EGLN3: variants seen among roughly 807,000 people sequenced by gnomAD.
EGLN3 encodes prolyl hydroxylase EGLN3.
EGLN3 carries 15 observed loss-of-function variants against 26.0 expected under a neutral mutation model. The observed-to-expected ratio is 0.58, with a 90% CI of 0.39 to 0.89. EGLN3 has a LOEUF of 0.89. EGLN3 is among the 40% of genes least tolerant of loss of function. EGLN3 has a pLI of 0.00. For missense variants in EGLN3, 238 were observed against 311.6 expected, an observed-to-expected ratio of 0.76 and a Z score of 1.78; for synonymous variants, 147 against 127.2, an observed-to-expected ratio of 1.16 and a Z score of -1.05.
intron 1 of EGLN3, among the ~76,000 whole-genome samples, chr14:33,939,039 G>C (rs2064461988): frequency 6.6e-6 from 1 of 152,150 alleles, no homozygotes; most frequent in African/African-American, 2.4e-5. Context: ...GTGACTGCAG[G>C]CTCATCAGAG....
intron 1 of EGLN3, among the ~76,000 whole-genome samples, chr14:33,942,419 G>T (rs2064489995): frequency 6.6e-6 from 1 of 152,074 alleles, no homozygotes; most frequent in South Asian, 2.1e-4. Context: ...TCAATATTTT[G>T]TGTTTAAAAG....
chr14:33,926,426 C>T (rs1371924287), intron 4 of EGLN3, among the ~76,000 whole-genome samples: 2 of 152,178 alleles, frequency 1.3e-5, no homozygotes, highest in Non-Finnish European at 1.5e-5. Context: ...ACATTTCCCA[C>T]ATTTTTGGGA....
chr14:33,950,315 T>C (rs756390267), intron 1 of EGLN3, 81 bp downstream of exon 1: 2 of 1,340,238 alleles, frequency 1.5e-6, no homozygotes, highest in African/African-American at 2.9e-5. Context: ...CTTACGGCCC[T>C]GGGAAGTCGA....
chr14:33,937,391 TG>T (rs2064450382), intron 1 of EGLN3, among the ~76,000 whole-genome samples: 1 of 152,220 alleles, frequency 6.6e-6, no homozygotes, highest in African/African-American at 2.4e-5. Flanking sequence ...TCTTTGTTGT[TG>T]GTTAAGAGCA....
At chr14:33,950,318 G>A (rs778236673) in intron 1 of EGLN3, 78 bp downstream of exon 1, 1 of 1,357,086 alleles carries the variant, frequency 7.4e-7, no homozygotes, top group South Asian at 1.2e-5. Flanking sequence ...ACGGCCCTGG[G>A]AAGTCGACAT....
chr14:33,947,709 G>A, intron 1 of EGLN3, among the ~76,000 whole-genome samples: 1 of 152,252 alleles, frequency 6.6e-6, no homozygotes, highest in East Asian at 1.9e-4. Context: ...CATTATATTA[G>A]CCTCTTATGT....
intron 1 of EGLN3, among the ~76,000 whole-genome samples, chr14:33,946,182 GC>G (rs999777207): frequency 6.6e-5 from 10 of 152,190 alleles, no homozygotes; most frequent in Non-Finnish European, 1.0e-4. Flanking sequence ...TTAGAGATCA[GC>G]CTGACCAACA....
intron 2 of EGLN3, among the ~76,000 whole-genome samples, chr14:33,929,653 C>G (rs948177624): frequency 2.0e-5 from 3 of 152,180 alleles, no homozygotes; most frequent in East Asian, 3.9e-4. Flanking sequence ...CGCCCAGCCA[C>G]TTCGTACCAA....
intron 3 of EGLN3, 132 bp from the exon 4 acceptor site, chr14:33,927,165 A>ATTTC (rs1313294698): frequency 4.4e-6 from 1 of 224,792 alleles, no homozygotes. Context: ...TTATTTATTT[A>ATTTC]TTTATTTATT....
Position 33,932,743 on chromosome 14 carries a change from G to A in EGLN3, c.358-1528C>T, listed in dbSNP as rs538321127. On this transcript the variant is annotated intron_variant, in intron 1 of 4. Coordinates refer to ENST00000250457, the MANE Select transcript of EGLN3 (RefSeq NM_022073.4). ...CTGTTAGCTTGAACATCTTTCAGAA[G>A]GTGAAACTGTGAGGCGACGTCAGCA... Among the ~76,000 whole-genome samples, 12 of 152,288 alleles carry A rather than the reference G, an allele frequency of 7.9e-5. No homozygotes were observed. In the South Asian group the frequency reaches 2.5e-3, roughly 32 times the overall value.
intron 1 of EGLN3, chr14:33,931,485 T>C: frequency 2.4e-6 from 1 of 423,746 alleles, no homozygotes; most frequent in South Asian, 3.8e-5. Flanking sequence ...TAAAGTAACC[T>C]ATCTGCATGC....
At chr14:33,949,483 A>G (rs2064541526) in intron 1 of EGLN3, 1 of 152,220 alleles carries the variant, frequency 6.6e-6, no homozygotes, top group African/African-American at 2.4e-5. Flanking sequence ...GACAAGCGCA[A>G]GTCACTCAGA....
chr14:33,928,285 A>C lies in EGLN3; in HGVS notation c.614+791T>G, dbSNP rs1437971235. On this transcript the variant is annotated intron_variant, in intron 3 of 4. Transcript: ENST00000250457. ...AGGAGGGCACATGTGATCTTAATTTAATTAGGCTTGTTAGGGTTTAATCAT... is the reference window on the plus strand; with the variant it reads ...AGGAGGGCACATGTGATCTTAATTTCATTAGGCTTGTTAGGGTTTAATCAT... Among the ~76,000 whole-genome samples, 6 of 152,100 alleles carry C rather than the reference A, an allele frequency of 3.9e-5. No homozygotes were observed. The East Asian group carries it at 1.2e-3, about 29-fold the overall frequency.
chr14:33,925,643 C>T lies in EGLN3; in HGVS notation c.*248G>A, dbSNP rs1033901872. 3.8e-6 allele frequency: 2 copies of T among 524,964 alleles called. No individual in the cohort carries two copies. Among genetic ancestry groups the T allele is most frequent in the African/African-American group, 1.9e-5 (1 of 51,962 alleles). 32.5% of individuals were successfully genotyped at this position (524,964 alleles called of 1,614,324 possible). A position where few individuals can be genotyped will look rare whatever the true frequency, so the allele number is the denominator to read the frequency against. On this transcript the variant is annotated 3_prime_UTR_variant, in exon 5 of 5. Coordinates refer to ENST00000250457, the MANE Select transcript of EGLN3 (RefSeq NM_022073.4). ...CGAATCTATCAGGTAAACCGCTGGC[C>T]GAGTAGGATGTCTGCAGGAATTTCT...
At chr14:33,941,715 G>A (rs895604383) in intron 1 of EGLN3, among the ~76,000 whole-genome samples, 1 of 152,072 alleles carries the variant, frequency 6.6e-6, no homozygotes, top group Admixed American at 6.6e-5. Flanking sequence ...TGCATTCAAG[G>A]AATTTCTAAG....
intron 3 of EGLN3, among the ~76,000 whole-genome samples, chr14:33,928,746 G>A (rs1264082488): frequency 1.3e-5 from 2 of 152,004 alleles, no homozygotes; most frequent in African/African-American, 2.4e-5. Context: ...TCTAGGCATA[G>A]TTCAACATTA....
At chr14:33,929,532 A>G (rs1398343688) in intron 2 of EGLN3, among the ~76,000 whole-genome samples, 4 of 152,122 alleles carry the variant, frequency 2.6e-5, no homozygotes, top group Non-Finnish European at 5.9e-5. Context: ...TTGTATTTTT[A>G]GTAGAGACGG....
chr14:33,950,110 CG>C, intron 1 of EGLN3: 3 of 591,050 alleles, frequency 5.1e-6, no homozygotes, highest in Non-Finnish European at 9.0e-6. Flanking sequence ...GTCTTAAAAT[CG>C]GACCACAGCC....
intron 1 of EGLN3, among the ~76,000 whole-genome samples, chr14:33,937,563 T>C (rs569184105): frequency 1.3e-5 from 2 of 152,182 alleles, no homozygotes; most frequent in African/African-American, 2.4e-5. Flanking sequence ...ACCAGACCAT[T>C]TGGAAGATTC....
Sources: allele counts gnomAD v4.1 joint callset (sites outside exome capture counted in the v4.1 genomes callset), GRCh38; gene constraint gnomAD v4.1.1; transcripts MANE v1.5; gene names NCBI Gene and HGNC (gene_info 2026-07-23, HGNC 2026-07-21).